The following HIVEP3 variants were observed in gnomAD, a reference collection of about 807,000 sequenced individuals.
The protein encoded by HIVEP3 is transcription factor HIVEP3.
HIVEP3 carries 49 observed loss-of-function variants against 152.8 expected under a neutral mutation model. The observed-to-expected ratio is 0.32, with a 90% CI of 0.26 to 0.41. The LOEUF is 0.41. HIVEP3 is among the 10% of genes least tolerant of loss of function. The pLI is 1.00. For missense variants in HIVEP3, 2,790 were observed against 3,103.3 expected (o/e 0.90, Z 2.40); for synonymous variants, 1,269 against 1,289.0 (o/e 0.98, Z 0.33).
At chr1:41,611,508 G>C (rs1644896169) in intron 3 of HIVEP3, among the ~76,000 whole-genome samples, 1 of 152,234 alleles carries the variant, frequency 6.6e-6, no homozygotes, top group African/African-American at 2.4e-5. Context: ...CCATCTCACA[G>C]ATGAGGACAC....
chr1:41,930,992 G>C (rs1644993456), intron 1 of HIVEP3, among the ~76,000 whole-genome samples: 1 of 152,012 alleles, frequency 6.6e-6, no homozygotes, highest in Non-Finnish European at 1.5e-5. Flanking sequence ...GCTGAAGCTT[G>C]AAAGTTCTTT....
At position 41,733,069 on chromosome 1, in the gene HIVEP3, G is replaced by A. The variant is rs149214844; in HGVS notation, c.-800-32074C>T. Among the ~76,000 whole-genome samples, 1,319 of 152,326 alleles carry A rather than the reference G, an allele frequency of 8.7e-3. 14 individuals carry two copies. Among genetic ancestry groups the A allele is most frequent in the African/African-American group, 0.03 (1,253 of 41,564 alleles). ...CACAAAGCAGTTCAGAGCACACTGG[G>A]AAATCACATGGAGGAAATGTTCTGG... On this transcript the variant is annotated intron_variant, in intron 1 of 8. Coordinates refer to ENST00000372583, the MANE Select transcript of HIVEP3 (RefSeq NM_024503.5).
intron 5 of HIVEP3, among the ~76,000 whole-genome samples, chr1:41,550,237 T>C (rs934215775): frequency 6.6e-6 from 1 of 152,196 alleles, no homozygotes; most frequent in Non-Finnish European, 1.5e-5. Context: ...TGGTCTATAT[T>C]TCTGTTTTAG....
At chr1:41,769,431 G>T (rs1268174499) in intron 1 of HIVEP3, among the ~76,000 whole-genome samples, 2 of 152,082 alleles carry the variant, frequency 1.3e-5, no homozygotes, top group Non-Finnish European at 2.9e-5. Flanking sequence ...AAGAAATCTA[G>T]GGCACATCCC....
chr1:41,653,958 A>C (rs1645591590), intron 2 of HIVEP3, among the ~76,000 whole-genome samples: 3 of 139,188 alleles, frequency 2.2e-5, no homozygotes, highest in Non-Finnish European at 3.2e-5. Context: ...TACTGCAAAA[A>C]AAAAAAAAAA....
At chr1:41,891,663 C>T (rs1224479342) in intron 1 of HIVEP3, among the ~76,000 whole-genome samples, 1 of 152,192 alleles carries the variant, frequency 6.6e-6, no homozygotes, top group African/African-American at 2.4e-5. Flanking sequence ...CCCCTGCTCA[C>T]GGCACTCCCC....
At chr1:41,560,463 T>C (rs562572520) in intron 5 of HIVEP3, among the ~76,000 whole-genome samples, 9 of 152,280 alleles carry the variant, frequency 5.9e-5, no homozygotes, top group Admixed American at 5.9e-4. Flanking sequence ...GATTTCATTT[T>C]ATACTCCCAG....
At chr1:41,907,245 C>T (rs750326389) in intron 1 of HIVEP3, among the ~76,000 whole-genome samples, 7 of 152,160 alleles carry the variant, frequency 4.6e-5, no homozygotes, top group Non-Finnish European at 1.0e-4. Context: ...TCCTTGATAA[C>T]CCCTGAATTG....
intron 2 of HIVEP3, among the ~76,000 whole-genome samples, chr1:41,678,173 C>G (rs775390134): frequency 2.0e-5 from 3 of 152,200 alleles, no homozygotes; most frequent in Non-Finnish European, 4.4e-5. Context: ...TGTTTACTCT[C>G]GGCGATCCCC....
intron 1 of HIVEP3, among the ~76,000 whole-genome samples, chr1:41,968,132 G>GATC (rs1334645366): frequency 6.6e-6 from 1 of 151,976 alleles, no homozygotes; most frequent in Non-Finnish European, 1.5e-5. Flanking sequence ...AAGAGGAGAT[G>GATC]GTACCATTTC....
intron 1 of HIVEP3, among the ~76,000 whole-genome samples, chr1:41,991,847 C>T (rs1419583110): frequency 7.6e-5 from 9 of 118,862 alleles, no homozygotes; most frequent in Non-Finnish European, 1.0e-4. Flanking sequence ...GTTCAATATA[C>T]GCAAATCAAT....
chr1:42,006,681 A>G lies in HIVEP3; in HGVS notation n.119+29126T>C, dbSNP rs531248882. 2.5e-4 allele frequency among the ~76,000 whole-genome samples: 38 copies of G among 152,086 alleles called. No individual in the cohort carries two copies. In the South Asian group the frequency reaches 6.2e-3, roughly 25 times the overall value. ...GGATCCTAAAATCTGCCCCTGCATT[A>G]AGTTTGTTGCAATGTCATAGGTCCT... On this transcript the variant is annotated intron_variant and non_coding_transcript_variant, in intron 1 of 3. Coordinates refer to the HIVEP3 transcript ENST00000489103.
At chr1:41,719,738 C>T (rs1427065346) in intron 1 of HIVEP3, among the ~76,000 whole-genome samples, 1 of 152,226 alleles carries the variant, frequency 6.6e-6, no homozygotes, top group Non-Finnish European at 1.5e-5. Context: ...AGGAGACACA[C>T]AGAGCCCTTC....
intron 1 of HIVEP3, among the ~76,000 whole-genome samples, chr1:41,770,117 C>T (rs1339386153): frequency 6.6e-6 from 1 of 152,012 alleles, no homozygotes; most frequent in Admixed American, 6.6e-5. Context: ...TACAGGCGCC[C>T]ACCACCACGC....
intron 1 of HIVEP3, among the ~76,000 whole-genome samples, chr1:41,966,252 C>G (rs1285418214): frequency 3.3e-5 from 5 of 151,906 alleles, no homozygotes; most frequent in Non-Finnish European, 5.9e-5. Context: ...AAAGGAAAAA[C>G]CATTACCAGC....
At chr1:41,556,165 T>C (rs1643962765) in intron 5 of HIVEP3, among the ~76,000 whole-genome samples, 1 of 152,234 alleles carries the variant, frequency 6.6e-6, no homozygotes, top group East Asian at 1.9e-4. Flanking sequence ...TGCTAGATCA[T>C]ATGGTAATTC....
At chr1:41,539,378 C>T (rs920295272) in intron 5 of HIVEP3, among the ~76,000 whole-genome samples, 1 of 152,252 alleles carries the variant, frequency 6.6e-6, no homozygotes, top group Non-Finnish European at 1.5e-5. Context: ...CTCGAGACTT[C>T]TTTCCTCCAG....
chr1:41,510,530 T>A lies in HIVEP3; in HGVS notation c.7142A>T (p.Asp2381Val). Residue 2381 changes from aspartate (D) to valine (V), a missense_variant, in exon 9 of 9, where the codon GAC becomes GTC. Around this residue, in one of 9 missense-constraint regions of HIVEP3, gnomAD observed 816 missense variants for 806.5 expected, o/e 1.01. Transcript: ENST00000372583. ...CCCACTTCCTGAGGGCTTGGGGGAG[T>A]CCTGCCTGGTCCTGGGTTCCCCGGA... ...NLSGEPRTRQ[D>V]SPKPSGSGEP... 6.3e-7 allele frequency: 1 copy of A among 1,585,856 alleles called. No individual in the cohort carries two copies. Among genetic ancestry groups the A allele is most frequent in the South Asian group, 1.2e-5 (1 of 86,644 alleles).
intron 1 of HIVEP3, among the ~76,000 whole-genome samples, chr1:41,803,836 C>A (rs555923740): frequency 5.3e-5 from 8 of 152,346 alleles, no homozygotes; most frequent in African/African-American, 1.9e-4. Context: ...TAGGTCTTAG[C>A]CCCAGGGAAA....
Sources: allele counts gnomAD v4.1 joint callset (sites outside exome capture counted in the v4.1 genomes callset), GRCh38; gene constraint gnomAD v4.1.1; regional missense constraint gnomAD v4.1.1; transcripts MANE v1.5; gene names NCBI Gene and HGNC (gene_info 2026-07-23, HGNC 2026-07-21).